The following MGA variants were observed in gnomAD, a reference collection of about 807,000 sequenced individuals.
MGA encodes MAX dimerization protein MGA.
A neutral mutation model predicts 261.1 loss-of-function variants in MGA; 40 were observed. That is an observed-to-expected ratio of 0.15 (90% CI 0.12 to 0.20). The LOEUF (loss-of-function observed/expected upper bound fraction) is 0.20, where lower values mean the gene tolerates loss of function less well. Among genes scored for constraint, MGA ranks in the 10% least tolerant of loss-of-function variants. The pLI, the probability that MGA is intolerant of heterozygous loss-of-function variation, is 1.00. For missense variants in MGA, 3,397 were observed against 3,630.5 expected (o/e 0.94, Z 1.65); for synonymous variants, 1,302 against 1,290.6 (o/e 1.01, Z -0.19).
chr15:41,752,630 CTG>C (rs1472531202), intron 17 of MGA, among the ~76,000 whole-genome samples: 1 of 146,188 alleles, frequency 6.8e-6, no homozygotes, highest in African/African-American at 2.5e-5. Flanking sequence ...TCTCGGCTCA[CTG>C]CATCCTCTGC....
At position 41,702,895 on chromosome 15, in the gene MGA, T is replaced by G. The variant is rs140940669; in HGVS notation, c.2188+3736T>G. ...AAAGCTTTATGTTTTGGAAGAGTTT[T>G]AGATTTATAGAAAAATTAAGAACAC... On this transcript the variant is annotated intron_variant, in intron 5 of 23. Coordinates refer to ENST00000219905, the MANE Select transcript of MGA (RefSeq NM_001164273.2). Among the ~76,000 whole-genome samples, 583 of 152,016 alleles carry G rather than the reference T, an allele frequency of 3.8e-3. 3 individuals are homozygous for G. Among genetic ancestry groups the G allele is most frequent in the African/African-American group, 0.014 (561 of 41,532 alleles).
In MGA at chr15:41,640,240, A is replaced by G. The variant is rs139655985; in HGVS notation, c.-68+18942A>G. Among the ~76,000 whole-genome samples, 6 of 152,312 alleles carry G rather than the reference A, an allele frequency of 3.9e-5. No homozygotes were observed. In the East Asian group the frequency reaches 1.2e-3, roughly 29 times the overall value. ...TCAGATAAAAAAACCCGGGGAGCATATTTAGGAAATAAGGAGTAGTTGAGT... is the reference window on the plus strand; with the variant it reads ...TCAGATAAAAAAACCCGGGGAGCATGTTTAGGAAATAAGGAGTAGTTGAGT... On this transcript the variant is annotated intron_variant, in intron 1 of 8. Transcript: ENST00000566718.
intron 18 of MGA, among the ~76,000 whole-genome samples, chr15:41,757,332 A>T (rs1160017470): frequency 6.6e-6 from 1 of 152,214 alleles, no homozygotes; most frequent in Non-Finnish European, 1.5e-5. Flanking sequence ...TTTTCATGTC[A>T]TTATTCCCTA....
chr15:41,708,457 A>G (rs1158198675), intron 7 of MGA, among the ~76,000 whole-genome samples: 1 of 152,126 alleles, frequency 6.6e-6, no homozygotes, highest in East Asian at 1.9e-4. Flanking sequence ...AGCTGGGACT[A>G]TAGGCATGTG....
chr15:41,765,987 T>G lies in MGA; in HGVS notation c.7922-17T>G. 1 of 1,595,264 alleles carries G rather than the reference T, an allele frequency of 6.3e-7. No individual in the cohort carries two copies. The highest frequency in any genetic ancestry group is 2.2e-5 in the East Asian group (1 of 44,682). ...AGATCTAAATGAATTTTTCTTTTTT[T>G]AATTTTTGTTTTTCAGAAAATGACG... On this transcript the variant is annotated splice_polypyrimidine_tract_variant and intron_variant, in intron 23 of 23. Transcript: ENST00000219905.
At chr15:41,734,652 G>A (rs377648849) in intron 12 of MGA, 58 bp downstream of exon 12, 18 of 1,284,072 alleles carry the variant, frequency 1.4e-5, no homozygotes, top group African/African-American at 6.0e-5. Context: ...CTAGATTATA[G>A]TAATAATGGG....
At position 41,696,806 on chromosome 15, in the gene MGA, T is replaced by C. The variant is rs767103505; in HGVS notation, c.1796T>C (p.Val599Ala). The change falls in exon 3 of 24, where the codon GTA becomes GCA. Residue 599 changes from valine to alanine, a missense_variant. By Grantham distance (64) the Val-to-Ala change is moderately conservative. Around this residue, in one of 9 missense-constraint regions of MGA, gnomAD observed 563 missense variants for 563.6 expected, o/e 1.00. Coordinates refer to ENST00000219905, the MANE Select transcript of MGA (RefSeq NM_001164273.2). Reference sequence around the variant, plus strand: ...CTTAAGATTGCAACAGCCGCAAAGGTAGTGAATGCTAATCAGAATGCCTCT... The same window carrying C: ...CTTAAGATTGCAACAGCCGCAAAGGCAGTGAATGCTAATCAGAATGCCTCT... 4.3e-5 allele frequency: 69 copies of C among 1,601,894 alleles called. No individual in the cohort carries two copies. Among genetic ancestry groups the C allele is most frequent in the Non-Finnish European group, 5.6e-5 (66 of 1,174,158 alleles).
In MGA at chr15:41,762,399, A is replaced by G. The variant is rs373727554; in HGVS notation, c.7744+37A>G. 2.0e-5 allele frequency: 30 copies of G among 1,531,122 alleles called. No individual in the cohort carries two copies. In the African/African-American group the frequency reaches 2.1e-4, roughly 11 times the overall value. The allele number at this position is 1,531,122 out of a possible 1,614,324, so 94.8% of individuals were successfully genotyped here. A position where few individuals can be genotyped will look rare whatever the true frequency, so the allele number is the denominator to read the frequency against. ...ATTCTTCGCTTTCCTTAATGTAGAT[A>G]TACATCAGTTGACTTTAGTGGACTG... On this transcript the variant is annotated intron_variant, in intron 22 of 23. Coordinates refer to ENST00000219905, the MANE Select transcript of MGA (RefSeq NM_001164273.2).
At position 41,696,172 on chromosome 15, in the gene MGA, G is replaced by A; in HGVS notation, c.1162G>A (p.Asp388Asn). The A allele has an allele frequency of 6.2e-7, 1 of 1,613,920 alleles. No homozygotes were observed. The highest frequency in any genetic ancestry group is 8.5e-7 in the Non-Finnish European group (1 of 1,179,866). Reference sequence around the variant, plus strand: ...TGTTATTAAAGAGGAACCTCTAGATGATTATGACTACGAACTTGGTGAGTG... The same window carrying A: ...TGTTATTAAAGAGGAACCTCTAGATAATTATGACTACGAACTTGGTGAGTG... The change falls in exon 3 of 24, where the codon GAT becomes AAT. Residue 388 changes from aspartate to asparagine, a missense_variant. Coordinates refer to ENST00000219905, the MANE Select transcript of MGA (RefSeq NM_001164273.2).
chr15:41,646,455 C>T (rs1466817125), intron 1 of MGA, among the ~76,000 whole-genome samples: 2 of 151,750 alleles, frequency 1.3e-5, no homozygotes, highest in African/African-American at 4.8e-5. Flanking sequence ...AAGTGATTCT[C>T]ATGCCTCAGC....
intron 1 of MGA, among the ~76,000 whole-genome samples, chr15:41,645,750 G>A (rs2056924440): frequency 1.3e-5 from 2 of 152,194 alleles, no homozygotes; most frequent in African/African-American, 4.8e-5. Flanking sequence ...ATAAAATGCT[G>A]AACTTGGAAG....
At chr15:41,727,096 G>T in intron 9 of MGA, 84 bp from the exon 10 acceptor site, 2 of 980,502 alleles carry the variant, frequency 2.0e-6, no homozygotes, top group Non-Finnish European at 1.5e-6. Flanking sequence ...TTTTGTGAGG[G>T]AGCGTATTTT....
rs761530636 is a variant in MGA, at chr15:41,750,064, A to G, written c.6457A>G (p.Asn2153Asp). ...AAGCAAAGTTATGGAGCAGCAATCT[A>G]ATCTACAGCCAGAGGCCAAAGAGAA... Residue 2153 changes from asparagine to aspartate, a missense_variant, in exon 17 of 24, where the codon AAT (asparagine) becomes GAT (aspartate). Transcript: ENST00000219905. The G allele has an allele frequency of 3.1e-6, 5 of 1,613,462 alleles. No individual in the cohort carries two copies. Among genetic ancestry groups the G allele is most frequent in the South Asian group, 1.1e-5 (1 of 91,030 alleles).
At chr15:41,724,452 G>A (rs994371364) in intron 9 of MGA, among the ~76,000 whole-genome samples, 7 of 152,182 alleles carry the variant, frequency 4.6e-5, no homozygotes, top group East Asian at 1.9e-4. Context: ...AGTCTGATAC[G>A]TAGTAGAAAT....
intron 2 of MGA, among the ~76,000 whole-genome samples, chr15:41,678,609 C>G (rs937766134): frequency 6.7e-6 from 1 of 150,346 alleles, no homozygotes; most frequent in Non-Finnish European, 1.5e-5. Flanking sequence ...ACTAAAAATA[C>G]AAAAAAAATT....
intron 17 of MGA, 48 bp downstream of exon 17, chr15:41,750,663 AT>A (rs2062780487): frequency 6.7e-7 from 1 of 1,498,312 alleles, no homozygotes; most frequent in Non-Finnish European, 8.9e-7. Flanking sequence ...GATTTAAATG[AT>A]TTATTAAAGA....
intron 1 of MGA, among the ~76,000 whole-genome samples, chr15:41,622,712 T>TG (rs1215592251): frequency 6.6e-6 from 1 of 152,158 alleles, no homozygotes; most frequent in East Asian, 1.9e-4. Flanking sequence ...CGTTTCCACT[T>TG]GGTGGGCTAT....
chr15:41,697,888 A>T (rs1046972624), intron 3 of MGA, among the ~76,000 whole-genome samples: 2 of 151,884 alleles, frequency 1.3e-5, no homozygotes, highest in Non-Finnish European at 2.9e-5. Flanking sequence ...TTATTTTTTG[A>T]GATGGAGTCT....
chr15:41,640,797 G>T (rs1056404823), intron 1 of MGA, among the ~76,000 whole-genome samples: 1 of 152,178 alleles, frequency 6.6e-6, no homozygotes, highest in Non-Finnish European at 1.5e-5. Context: ...GATTATAGGC[G>T]TGAGCCACTG....
Sources: allele counts gnomAD v4.1 joint callset (sites outside exome capture counted in the v4.1 genomes callset), GRCh38; gene constraint gnomAD v4.1.1; regional missense constraint gnomAD v4.1.1; transcripts MANE v1.5; gene names NCBI Gene and HGNC (gene_info 2026-07-23, HGNC 2026-07-21).